The following SMOC2 variants were observed in gnomAD, a reference collection of about 807,000 sequenced individuals.
The protein encoded by SMOC2 is SPARC-related modular calcium-binding protein 2.
Under a neutral mutation model 61.4 loss-of-function variants are expected in SMOC2, and 39 were observed. The observed-to-expected ratio is 0.64, with a 90% CI of 0.49 to 0.83. SMOC2 has a LOEUF of 0.83. Among genes scored for constraint, SMOC2 ranks in the 40% least tolerant of loss-of-function variants. The pLI, the probability that SMOC2 is intolerant of heterozygous loss-of-function variation, is 0.00. For synonymous variants in SMOC2, 247 were observed against 239.9 expected, an observed-to-expected ratio of 1.03 and a Z score of -0.27; for missense variants, 556 against 592.9, an observed-to-expected ratio of 0.94 and a Z score of 0.65.
At chr6:168,529,315 C>T (rs1209157550) in intron 4 of SMOC2, among the ~76,000 whole-genome samples, 2 of 152,078 alleles carry the variant, frequency 1.3e-5, no homozygotes, top group East Asian at 1.9e-4. Context: ...GCAGCCCATG[C>T]GCTGGGTAGG....
chr6:168,577,865 T>G (rs1303235192), intron 7 of SMOC2, among the ~76,000 whole-genome samples: 1 of 152,188 alleles, frequency 6.6e-6, no homozygotes, highest in East Asian at 1.9e-4. Context: ...GAGTTTGGCT[T>G]TGGAAGAGAC....
At chr6:168,474,285 G>A (rs576751308) in intron 1 of SMOC2, among the ~76,000 whole-genome samples, 1 of 152,104 alleles carries the variant, frequency 6.6e-6, no homozygotes, top group Non-Finnish European at 1.5e-5. Context: ...GGGGAGGGAC[G>A]ATAAGGGCTG....
intron 2 of SMOC2, among the ~76,000 whole-genome samples, chr6:168,524,186 A>G (rs924781946): frequency 1.3e-5 from 2 of 152,158 alleles, no homozygotes; most frequent in African/African-American, 4.8e-5. Flanking sequence ...TCTCTGTAGT[A>G]AAGATCTTGA....
rs1787660730 is a variant in SMOC2 at position 168,666,351 on chromosome 6, CCTTAGTCTT to C, written c.1324-68_1324-60del. On this transcript the variant is annotated intron_variant, in intron 12 of 12. Transcript: ENST00000356284. ...GTTCAGTTCATTCCCAGAAGCCAAG[CCTTAGTCTT>C]CACAGATGAGCGACACACACCTCTG... is the stretch of plus-strand genomic sequence containing the variant. 6.3e-6 allele frequency: 10 copies of C among 1,592,424 alleles called. 1 individual carries two copies. In the South Asian group the frequency reaches 1.0e-4, roughly 16 times the overall value.
intron 7 of SMOC2, among the ~76,000 whole-genome samples, chr6:168,595,662 GT>G (rs1489288159): frequency 6.6e-6 from 1 of 152,152 alleles, no homozygotes; most frequent in African/African-American, 2.4e-5. Flanking sequence ...ATGCAGCCAG[GT>G]TTATCAGGTA....
At chr6:168,613,511 G>A (rs1181088958) in intron 9 of SMOC2, among the ~76,000 whole-genome samples, 2 of 152,136 alleles carry the variant, frequency 1.3e-5, no homozygotes, top group African/African-American at 4.8e-5. Flanking sequence ...TGGTCAAACA[G>A]CCTCTCACCC....
chr6:168,521,428 C>T (rs1417752324), intron 2 of SMOC2, among the ~76,000 whole-genome samples: 3 of 152,112 alleles, frequency 2.0e-5, no homozygotes, highest in African/African-American at 4.8e-5. Context: ...GGATTACAGG[C>T]GTGAGCCACT....
At position 168,452,882 on chromosome 6, in the gene SMOC2, G is replaced by A. The variant is rs1016214783; in HGVS notation, c.84+11428G>A. Among the ~76,000 whole-genome samples, 6 of 152,218 alleles carry A rather than the reference G, an allele frequency of 3.9e-5. No homozygotes were observed. The highest frequency in any genetic ancestry group is 2.0e-4 in the Admixed American group (3 of 15,290). On this transcript the variant is annotated intron_variant, in intron 1 of 12. Transcript: ENST00000356284. This position sits in a 1 kb window ranked among gnomAD's most constrained non-coding sequence, Gnocchi z 5.0. ...CTGCTCTGCTCCTGGAGGCTGACAC[G>A]AGGCTGACTCCCAGGCCACACTCTG...
chr6:168,483,940 T>A (rs1025257641), intron 1 of SMOC2, among the ~76,000 whole-genome samples: 16 of 152,094 alleles, frequency 1.1e-4, no homozygotes, highest in African/African-American at 3.9e-4. Context: ...AATAATTAAC[T>A]CAAAATGGAT....
At chr6:168,446,120 T>A (rs1274676560) in intron 1 of SMOC2, among the ~76,000 whole-genome samples, 1 of 152,230 alleles carries the variant, frequency 6.6e-6, no homozygotes, top group East Asian at 1.9e-4. Context: ...CCCAACACTT[T>A]GGGAAGCCAA....
At chr6:168,465,066 C>T (rs987236561) in intron 1 of SMOC2, among the ~76,000 whole-genome samples, 1 of 152,238 alleles carries the variant, frequency 6.6e-6, no homozygotes, top group African/African-American at 2.4e-5. Context: ...CCTTCTTGGC[C>T]AGAGTTGGCC....
chr6:168,549,758 C>A (rs753984089), intron 7 of SMOC2, among the ~76,000 whole-genome samples: 1 of 151,990 alleles, frequency 6.6e-6, no homozygotes, highest in African/African-American at 2.4e-5. Context: ...ATTTGATCAC[C>A]GGCATATATT....
chr6:168,599,339 CCACA>C (rs1438698339), intron 8 of SMOC2, among the ~76,000 whole-genome samples: 1 of 135,544 alleles, frequency 7.4e-6, no homozygotes, highest in Non-Finnish European at 1.6e-5. Flanking sequence ...ACACTCATAC[CCACA>C]CACAACCACT....
intron 7 of SMOC2, among the ~76,000 whole-genome samples, chr6:168,558,509 C>T (rs572212112): frequency 2.3e-4 from 35 of 152,276 alleles, no homozygotes; most frequent in African/African-American, 7.2e-4. Flanking sequence ...GGCTGGTTCT[C>T]GGCCCCCCCT....
intron 9 of SMOC2, among the ~76,000 whole-genome samples, chr6:168,637,483 T>C (rs1364521285): frequency 6.6e-6 from 1 of 152,216 alleles, no homozygotes; most frequent in East Asian, 1.9e-4. Flanking sequence ...TTGCGTCTTC[T>C]TACCCAATTC....
At chr6:168,498,761 C>T (rs555859392) in intron 1 of SMOC2, among the ~76,000 whole-genome samples, 399 of 119,272 alleles carry the variant, frequency 3.3e-3, no homozygotes, top group African/African-American at 9.9e-3. Flanking sequence ...GTCTACTGCA[C>T]ATGGAAACCC....
intron 7 of SMOC2, among the ~76,000 whole-genome samples, chr6:168,595,033 A>G (rs1785281642): frequency 9.9e-6 from 1 of 100,962 alleles, no homozygotes; most frequent in Non-Finnish European, 2.0e-5. Flanking sequence ...CTCCTTCCTG[A>G]GGCCTCACGA....
intron 7 of SMOC2, among the ~76,000 whole-genome samples, chr6:168,560,184 T>C: frequency 6.6e-6 from 1 of 152,254 alleles, no homozygotes; most frequent in East Asian, 1.9e-4. Flanking sequence ...GCAGCCTACA[T>C]TTGTGTCTCA....
chr6:168,493,169 T>A (rs989133970), intron 1 of SMOC2, among the ~76,000 whole-genome samples: 1 of 152,042 alleles, frequency 6.6e-6, no homozygotes, highest in African/African-American at 2.4e-5. Context: ...CCTGAGTAGC[T>A]GGGACTACAG....
Sources: allele counts gnomAD v4.1 joint callset (sites outside exome capture counted in the v4.1 genomes callset), GRCh38; gene constraint gnomAD v4.1.1; non-coding constraint Gnocchi (gnomAD v3.1); transcripts MANE v1.5; gene names NCBI Gene and HGNC (gene_info 2026-07-23, HGNC 2026-07-21).